Variants in CRISP1 observed in about 807,000 individuals in gnomAD.
CRISP1 encodes cysteine rich secretory protein 1.
In CRISP1, 44 loss-of-function variants were observed where a neutral mutation model predicts 33.1. The ratio of observed to expected loss-of-function variants is 1.33; its 90% CI spans 1.05 to 1.71. The LOEUF (loss-of-function observed/expected upper bound fraction) is 1.71. CRISP1 is among the 40% of genes most tolerant of loss of function. CRISP1 has a pLI of 0.00. For missense variants in CRISP1, 390 were observed against 301.2 expected, an observed-to-expected ratio of 1.29 and a Z score of -2.18; for synonymous variants, 103 against 98.7, an observed-to-expected ratio of 1.04 and a Z score of -0.26.
At chr6:49,862,128 A>T (rs1464464916) in intron 1 of CRISP1, among the ~76,000 whole-genome samples, 1 of 152,166 alleles carries the variant, frequency 6.6e-6, no homozygotes, top group Non-Finnish European at 1.5e-5. Context: ...CTCTTTGCAG[A>T]TGATATGATC....
chr6:49,866,302 G>A (rs1771796711), intron 1 of CRISP1, 127 bp downstream of exon 1: 1 of 152,040 alleles, frequency 6.6e-6, no homozygotes, highest in African/African-American at 2.4e-5. Flanking sequence ...TTTACTTTTA[G>A]ATAACAATAG....
At chr6:49,860,280 A>T (rs1233122058) in intron 1 of CRISP1, among the ~76,000 whole-genome samples, 1 of 152,180 alleles carries the variant, frequency 6.6e-6, no homozygotes, top group African/African-American at 2.4e-5. Context: ...CCTAACAGAC[A>T]TTTATAGAAC....
In CRISP1 at chr6:49,875,037, A is replaced by G. The variant is rs533447359; in HGVS notation, c.-3+1972T>C. ...CCCTTTCACAATACTCCTATTCAAC[A>G]TATTATTGGAAATTATGGCCTGGGC... On this transcript the variant is annotated intron_variant, in intron 1 of 7. Transcript: ENST00000505118. Among the ~76,000 whole-genome samples, 83 of 152,180 alleles carry G rather than the reference A, an allele frequency of 5.5e-4. 2 individuals are homozygous for G. The South Asian group carries it at 0.017, about 31-fold the overall frequency.
chr6:49,845,646 A>C (rs1771138903), intron 5 of CRISP1, among the ~76,000 whole-genome samples: 1 of 152,026 alleles, frequency 6.6e-6, no homozygotes, highest in Non-Finnish European at 1.5e-5. Flanking sequence ...AAACAATTGA[A>C]AGCAAGCACT....
intron 1 of CRISP1, among the ~76,000 whole-genome samples, chr6:49,862,802 G>C (rs1771687513): frequency 7.0e-6 from 1 of 143,756 alleles, no homozygotes; most frequent in South Asian, 2.3e-4. Context: ...CACCTTCTCA[G>C]AGAAAAGAAG....
At chr6:49,855,204 C>A (rs1264182358) in intron 2 of CRISP1, among the ~76,000 whole-genome samples, 1 of 152,136 alleles carries the variant, frequency 6.6e-6, no homozygotes, top group Non-Finnish European at 1.5e-5. Context: ...CCAGAATCCA[C>A]TAATGCTTTA....
At chr6:49,846,861 G>T (rs1771192024) in intron 4 of CRISP1, among the ~76,000 whole-genome samples, 193 bp from the exon 5 acceptor site, 1 of 152,096 alleles carries the variant, frequency 6.6e-6, no homozygotes, top group Non-Finnish European at 1.5e-5. Context: ...CTCAAGTTTG[G>T]TGAAACGTTG....
intron 1 of CRISP1, chr6:49,876,991 TTC>T (rs1772050902): frequency 6.6e-6 from 1 of 151,828 alleles, no homozygotes; most frequent in Non-Finnish European, 1.5e-5. Context: ...ATGGCACACA[TTC>T]ACCTATGTAA....
chr6:49,869,040 T>C (rs534134079), upstream of CRISP1, among the ~76,000 whole-genome samples: 29 of 152,286 alleles, frequency 1.9e-4, 1 homozygote, highest in South Asian at 5.6e-3. Context: ...TTTGTTTTAG[T>C]TGTCTACTTC....
At position 49,859,845 on chromosome 6, in the gene CRISP1, A is replaced by C. The variant is rs1771599390; in HGVS notation, c.-2-2443T>G. Among the ~76,000 whole-genome samples, 4 of 152,266 alleles carry C rather than the reference A, an allele frequency of 2.6e-5. No individual in the cohort carries two copies. The South Asian group carries it at 8.3e-4, about 32-fold the overall frequency. ...GCTGAATGGATTAAAATATGACCCA[A>C]CTGTATTCTGTCTATAAGAAAGTCA... is the stretch of plus-strand genomic sequence containing the variant. On this transcript the variant is annotated intron_variant, in intron 1 of 7. Transcript: ENST00000335847.
chr6:49,851,913 C>T (rs1468521271), intron 3 of CRISP1, 88 bp downstream of exon 3: 8 of 1,434,332 alleles, frequency 5.6e-6, no homozygotes, highest in Non-Finnish European at 6.5e-6. Context: ...AAACTTTTAG[C>T]ACTTTGAAAG....
At chr6:49,842,785 A>T (rs1582260047) in intron 5 of CRISP1, among the ~76,000 whole-genome samples, 1 of 152,226 alleles carries the variant, frequency 6.6e-6, no homozygotes, top group South Asian at 2.1e-4. Flanking sequence ...CTGTGTAAAG[A>T]CCACTTGACT....
intron 1 of CRISP1, among the ~76,000 whole-genome samples, chr6:49,862,943 G>A (rs981566454): frequency 2.6e-5 from 4 of 152,134 alleles, no homozygotes; most frequent in Admixed American, 2.6e-4. Context: ...AGTAAATTAA[G>A]CATTTCAGAA....
rs896475724 is a variant in CRISP1, at chr6:49,834,439, T to A, written c.*877A>T. ...GCATTTTACGTTAGTTGGCCTTAACTGTGCTCTTCCATTGTGTTGAAATAA... is the reference window on the plus strand; with the variant it reads ...GCATTTTACGTTAGTTGGCCTTAACAGTGCTCTTCCATTGTGTTGAAATAA... On this transcript the variant is annotated 3_prime_UTR_variant, in exon 8 of 8. Transcript: ENST00000335847. 1 of 152,174 alleles carries A rather than the reference T, an allele frequency of 6.6e-6. No individual in the cohort carries two copies. Among genetic ancestry groups the A allele is most frequent in the African/African-American group, 2.4e-5 (1 of 41,452 alleles). 9.4% of individuals were successfully genotyped at this position (152,174 alleles called of 1,614,324 possible).
intron 4 of CRISP1, 130 bp downstream of exon 4, chr6:49,848,079 C>A (rs1268889130): frequency 1.9e-6 from 1 of 516,308 alleles, no homozygotes; most frequent in Non-Finnish European, 3.4e-6. Context: ...AATTCACTGC[C>A]TTGTATGACC....
chr6:49,871,248 A>C (rs545368707), upstream of CRISP1, among the ~76,000 whole-genome samples: 1 of 152,302 alleles, frequency 6.6e-6, no homozygotes, highest in Non-Finnish European at 1.5e-5. Context: ...GTGAGATATA[A>C]GATGATGAAC....
intron 1 of CRISP1, among the ~76,000 whole-genome samples, chr6:49,861,123 C>T (rs1419996439): frequency 6.6e-6 from 1 of 152,016 alleles, no homozygotes; most frequent in Non-Finnish European, 1.5e-5. Context: ...TAAGAAAAGT[C>T]CAGGATCAGA....
chr6:49,857,335 T>C lies in CRISP1; in HGVS notation c.66A>G (p.Lys22=), dbSNP rs779043634. 1.2e-5 allele frequency: 20 copies of C among 1,612,624 alleles called. No individual in the cohort carries two copies. In the South Asian group the frequency reaches 1.8e-4, roughly 14 times the overall value. ...TATGAAACATCCAACCCTCACATAC[T>C]TTCATGGACAACATAGGCAGTAAGC... ...AACLLPMLSM[K]KKSARDQFNK... Residue 22 remains lysine (K), a splice_region_variant and synonymous_variant, in exon 2 of 8, where the codon AAA becomes AAG. Coordinates refer to ENST00000335847, the MANE Select transcript of CRISP1 (RefSeq NM_001131.3).
chr6:49,867,210 C>T (rs1245798413), upstream of CRISP1, among the ~76,000 whole-genome samples: 1 of 151,920 alleles, frequency 6.6e-6, no homozygotes, highest in Non-Finnish European at 1.5e-5. Context: ...ACACTTAGAA[C>T]AAAGAAAGAA....
Sources: allele counts gnomAD v4.1 joint callset (sites outside exome capture counted in the v4.1 genomes callset), GRCh38; gene constraint gnomAD v4.1.1; transcripts MANE v1.5; gene names NCBI Gene and HGNC (gene_info 2026-07-23, HGNC 2026-07-21).